MACROD2: variants seen among roughly 807,000 people sequenced by gnomAD.
The protein encoded by MACROD2 is ADP-ribose glycohydrolase MACROD2.
In MACROD2, 36 loss-of-function variants were observed where a neutral mutation model predicts 70.4. That is an observed-to-expected ratio of 0.51 (90% CI 0.39 to 0.68). MACROD2 has a LOEUF of 0.68. MACROD2 is among the 30% of genes least tolerant of loss of function. The pLI is 0.00. For synonymous variants in MACROD2, 172 were observed against 178.8 expected (o/e 0.96, Z 0.30); for missense variants, 496 against 538.4 (o/e 0.92, Z 0.78).
intron 5 of MACROD2, among the ~76,000 whole-genome samples, chr20:15,181,631 TTTG>T (rs1339627665): frequency 6.6e-6 from 1 of 152,196 alleles, no homozygotes; most frequent in Non-Finnish European, 1.5e-5. Context: ...TTAGAACTAT[TTTG>T]TTGTTGTATT....
At chr20:15,961,000 A>C (rs1462516931) in intron 12 of MACROD2, among the ~76,000 whole-genome samples, 1 of 152,196 alleles carries the variant, frequency 6.6e-6, no homozygotes, top group Non-Finnish European at 1.5e-5. Context: ...TTGAACCTTT[A>C]CTACAACAAT....
chr20:14,261,675 A>G (rs115976793), intron 3 of MACROD2, among the ~76,000 whole-genome samples: 2,327 of 152,258 alleles, frequency 0.015, 24 homozygotes, highest in African/African-American at 0.027. Context: ...CAAATGATTT[A>G]TTCGTTCCTT....
intron 8 of MACROD2, among the ~76,000 whole-genome samples, chr20:15,786,793 TAAAAC>T (rs1355204294): frequency 6.6e-6 from 1 of 152,070 alleles, no homozygotes; most frequent in Non-Finnish European, 1.5e-5. Context: ...AGAAAGCAGA[TAAAAC>T]AACAATGGGG....
At chr20:14,182,604 A>G (rs1172407336) in intron 3 of MACROD2, among the ~76,000 whole-genome samples, 1 of 152,196 alleles carries the variant, frequency 6.6e-6, no homozygotes, top group Non-Finnish European at 1.5e-5. Flanking sequence ...GTTATATAGC[A>G]TATAAATGTA....
intron 12 of MACROD2, among the ~76,000 whole-genome samples, chr20:15,959,391 A>G (rs755604389): frequency 4.6e-5 from 7 of 152,172 alleles, no homozygotes; most frequent in South Asian, 2.1e-4. Flanking sequence ...ATTTTCTGTA[A>G]GTTAATTGGC....
chr20:15,478,539 CTGTGTGTGTGTGTCTG>C (rs968330902), intron 7 of MACROD2, among the ~76,000 whole-genome samples: 1 of 104,594 alleles, frequency 9.6e-6, no homozygotes, highest in African/African-American at 4.1e-5. Flanking sequence ...GCGTGCATGA[CTGTGTGTGTGTGTCTG>C]TGTGTGTGTG....
chr20:16,044,432 A>G (rs919576023), intron 16 of MACROD2, 139 bp from the exon 17 acceptor site: 1 of 733,276 alleles, frequency 1.4e-6, no homozygotes, highest in African/African-American at 1.8e-5. Context: ...ATAGTCCCCA[A>G]ATCTTGAATG....
chr20:14,626,043 C>T (rs1984133114), intron 4 of MACROD2, among the ~76,000 whole-genome samples: 2 of 152,124 alleles, frequency 1.3e-5, no homozygotes, highest in African/African-American at 4.8e-5. Context: ...TTAGGCTGGT[C>T]TCAAACTTGT....
At chr20:14,148,213 A>T (rs1194500452) in intron 3 of MACROD2, among the ~76,000 whole-genome samples, 1 of 152,122 alleles carries the variant, frequency 6.6e-6, no homozygotes, top group Non-Finnish European at 1.5e-5. Context: ...CCCTTTGTTT[A>T]TATGTGTGGT....
intron 8 of MACROD2, among the ~76,000 whole-genome samples, chr20:15,773,520 T>C (rs897377796): frequency 1.3e-5 from 2 of 152,132 alleles, no homozygotes. Context: ...AAAATGATAT[T>C]ACTAATTAAT....
intron 5 of MACROD2, among the ~76,000 whole-genome samples, chr20:15,132,216 TA>T (rs2076111644): frequency 6.6e-6 from 1 of 151,858 alleles, no homozygotes; most frequent in Admixed American, 6.6e-5. Context: ...TAAAATGAAG[TA>T]AAATAAAAAG....
chr20:14,349,706 G>A (rs1217490627), intron 3 of MACROD2, among the ~76,000 whole-genome samples: 3 of 143,072 alleles, frequency 2.1e-5, no homozygotes, highest in Non-Finnish European at 4.5e-5. Context: ...CCACAAATAA[G>A]TGAGAACATG....
At chr20:15,076,228 A>T (rs1021759882) in intron 5 of MACROD2, among the ~76,000 whole-genome samples, 1 of 152,134 alleles carries the variant, frequency 6.6e-6, no homozygotes, top group Non-Finnish European at 1.5e-5. Context: ...ATTTTGTTTA[A>T]ATGGCTGCAT....
At chr20:15,398,605 T>C (rs1408780848) in intron 6 of MACROD2, among the ~76,000 whole-genome samples, 4 of 152,226 alleles carry the variant, frequency 2.6e-5, no homozygotes, top group African/African-American at 9.6e-5. Flanking sequence ...AACAACAGTT[T>C]TCTCACAATT....
intron 4 of MACROD2, among the ~76,000 whole-genome samples, chr20:14,579,586 TATCAC>T (rs1980871281): frequency 6.6e-6 from 1 of 152,258 alleles, no homozygotes; most frequent in Non-Finnish European, 1.5e-5. Flanking sequence ...TTTTGTTGAT[TATCAC>T]ATTTTGTTCT....
chr20:14,799,968 T>C (rs186432574), intron 5 of MACROD2, among the ~76,000 whole-genome samples: 1 of 152,218 alleles, frequency 6.6e-6, no homozygotes, highest in Admixed American at 6.5e-5. Context: ...TGACTTCTTG[T>C]TTCTGTGACT....
chr20:15,261,045 T>G (rs952954673), intron 6 of MACROD2, among the ~76,000 whole-genome samples: 8 of 152,028 alleles, frequency 5.3e-5, no homozygotes, highest in Non-Finnish European at 8.8e-5. Context: ...CCTTGCTATA[T>G]GAGCTGCTGT....
intron 3 of MACROD2, among the ~76,000 whole-genome samples, chr20:14,384,047 C>G (rs1033331904): frequency 6.6e-6 from 1 of 152,040 alleles, no homozygotes; most frequent in Admixed American, 6.6e-5. Context: ...GCTTTATTTA[C>G]TAGTTTTCAT....
At chr20:14,133,281 A>T (rs6042542) in intron 3 of MACROD2, among the ~76,000 whole-genome samples, 1 of 152,212 alleles carries the variant, frequency 6.6e-6, no homozygotes, top group South Asian at 2.1e-4. Context: ...CTCATCAGGA[A>T]CCTAGGCTAA....
Sources: allele counts gnomAD v4.1 joint callset (sites outside exome capture counted in the v4.1 genomes callset), GRCh38; gene constraint gnomAD v4.1.1; transcripts MANE v1.5; gene names NCBI Gene and HGNC (gene_info 2026-07-23, HGNC 2026-07-21).